The following PRKCQ variants were observed in gnomAD, a reference collection of about 807,000 sequenced individuals.
The protein encoded by PRKCQ is protein kinase C theta type.
A neutral mutation model predicts 91.2 loss-of-function variants in PRKCQ; 41 were observed. That is an observed-to-expected ratio of 0.45 (90% CI 0.35 to 0.58). The LOEUF is 0.58. Among genes scored for constraint, PRKCQ ranks in the 20% least tolerant of loss-of-function variants. The pLI is 0.00. For synonymous variants in PRKCQ, 307 were observed against 316.9 expected (o/e 0.97, Z 0.33); for missense variants, 673 against 896.5 (o/e 0.75, Z 3.18).
intron 14 of PRKCQ, among the ~76,000 whole-genome samples, chr10:6,458,926 A>T (rs914079193): frequency 5.3e-5 from 8 of 152,114 alleles, no homozygotes; most frequent in African/African-American, 1.7e-4. Flanking sequence ...TTTGACCCAA[A>T]CCAGGGCTTA....
At chr10:6,467,389 C>CAGAGAGAGAGAGAGAG (rs1160599680) in intron 12 of PRKCQ, among the ~76,000 whole-genome samples, 2 of 27,788 alleles carry the variant, frequency 7.2e-5, no homozygotes, top group African/African-American at 3.3e-4. Flanking sequence ...GAGAGACAGA[C>CAGAGAGAGAGAGAGAG]AGAGAGAGAG....
chr10:6,515,417 A>G, intron 1 of PRKCQ: 9 of 985,360 alleles, frequency 9.1e-6, no homozygotes, highest in Non-Finnish European at 1.1e-5. Context: ...GTTCCATTCA[A>G]CCTAATGGAG....
At chr10:6,417,516 C>G in the PRKCQ span, among the ~76,000 whole-genome samples, 1 of 152,172 alleles carries the variant, frequency 6.6e-6, no homozygotes, top group African/African-American at 2.4e-5. Context: ...TTCGAATTGA[C>G]GTAACTGTTC....
At chr10:6,491,841 T>C (rs1233092823) in intron 7 of PRKCQ, 29 bp from the exon 8 acceptor site, 1 of 1,613,930 alleles carries the variant, frequency 6.2e-7, no homozygotes, top group African/African-American at 1.3e-5. Flanking sequence ...GTGAAATCTG[T>C]GTATTCCTGG....
chr10:6,571,805 AAAACAAAC>A (rs552943130), intron 1 of PRKCQ, among the ~76,000 whole-genome samples: 3 of 152,144 alleles, frequency 2.0e-5, no homozygotes, highest in African/African-American at 7.2e-5. Context: ...CCCTGCCTCA[AAAACAAAC>A]AAACAAACAA....
At chr10:6,544,336 T>C (rs906022360) in intron 1 of PRKCQ, among the ~76,000 whole-genome samples, 1 of 152,158 alleles carries the variant, frequency 6.6e-6, no homozygotes, top group African/African-American at 2.4e-5. Flanking sequence ...TCGGGGAGAT[T>C]TGTCTGTTTA....
intron 4 of PRKCQ, among the ~76,000 whole-genome samples, chr10:6,505,406 T>G (rs1838138090): frequency 7.8e-6 from 1 of 127,708 alleles, no homozygotes; most frequent in African/African-American, 3.6e-5. Flanking sequence ...TTTTTCTCCT[T>G]TCTTTCTTTC....
chr10:6,507,370 A>G (rs958645135), intron 4 of PRKCQ, 66 bp downstream of exon 4: 3 of 1,415,140 alleles, frequency 2.1e-6, no homozygotes, highest in Non-Finnish European at 3.0e-6. Context: ...AAGGTAAAAT[A>G]AGCTGCATTT....
At chr10:6,561,240 T>C (rs1840621449) in intron 1 of PRKCQ, among the ~76,000 whole-genome samples, 2 of 151,108 alleles carry the variant, frequency 1.3e-5, no homozygotes, top group African/African-American at 4.9e-5. Context: ...GGTGTGGTGG[T>C]GTGCACCTGT....
Position 6,430,770 on chromosome 10 carries a change from A to T in PRKCQ, c.1965+40T>A, listed in dbSNP as rs762959020. On this transcript the variant is annotated intron_variant, in intron 17 of 17. Transcript: ENST00000263125. The surrounding 1 kb of genome is among the most constrained non-coding windows in gnomAD (Gnocchi z 4.7). ...CAGGCAGACGGCCCTGAGCGGAGGG[A>T]GAGTGGCTGACACCAAGCGGCCCAT... 1 of 1,603,266 alleles carries T rather than the reference A, an allele frequency of 6.2e-7. No individual in the cohort carries two copies. Among genetic ancestry groups the T allele is most frequent in the African/African-American group, 1.3e-5 (1 of 74,756 alleles).
chr10:6,413,588 GCA>G, the PRKCQ span, among the ~76,000 whole-genome samples: 4 of 23,838 alleles, frequency 1.7e-4, no homozygotes, highest in African/African-American at 4.3e-4. Context: ...TGCCACTTGT[GCA>G]CACACACACA....
chr10:6,460,692 T>G (rs1256590828), intron 14 of PRKCQ, among the ~76,000 whole-genome samples: 1 of 152,138 alleles, frequency 6.6e-6, no homozygotes, highest in African/African-American at 2.4e-5. Flanking sequence ...GGATTTGTCA[T>G]GTCGGCCAGG....
chr10:6,430,075 G>A lies in PRKCQ; in HGVS notation c.1965+735C>T, dbSNP rs1210635442. On this transcript the variant is annotated intron_variant, in intron 17 of 17. Coordinates refer to ENST00000263125, the MANE Select transcript of PRKCQ (RefSeq NM_006257.5). This position sits in a 1 kb window ranked among gnomAD's most constrained non-coding sequence, Gnocchi z 4.7. ...TCACCATGTTGGCCAGGCTGACCTC[G>A]AACTCCTGACCTCAGGTGATCCACC... 6.6e-6 allele frequency among the ~76,000 whole-genome samples: 1 copy of A among 152,060 alleles called. No individual in the cohort carries two copies. Among genetic ancestry groups the A allele is most frequent in the Non-Finnish European group, 1.5e-5 (1 of 68,012 alleles).
the PRKCQ span, among the ~76,000 whole-genome samples, chr10:6,406,194 G>T: frequency 6.6e-6 from 1 of 152,094 alleles, no homozygotes; most frequent in Non-Finnish European, 1.5e-5. Flanking sequence ...AAATCCTTGG[G>T]TTAGAATTAA....
At chr10:6,436,561 A>T (rs1833705153) in intron 16 of PRKCQ, among the ~76,000 whole-genome samples, 1 of 152,152 alleles carries the variant, frequency 6.6e-6, no homozygotes, top group African/African-American at 2.4e-5. Context: ...CCTGAGAGTC[A>T]CGCCCACCCT....
At chr10:6,479,930 C>T (rs928403842) in intron 11 of PRKCQ, among the ~76,000 whole-genome samples, 6 of 151,638 alleles carry the variant, frequency 4.0e-5, no homozygotes, top group Admixed American at 2.0e-4. Context: ...CCAGCCTGGG[C>T]GTCAGAGTGA....
At chr10:6,402,818 G>A in the PRKCQ span, among the ~76,000 whole-genome samples, 1 of 152,242 alleles carries the variant, frequency 6.6e-6, no homozygotes, top group South Asian at 2.1e-4. Context: ...GCTGAGACAG[G>A]AGAATCACTT....
At chr10:6,529,817 T>C (rs908572086) in intron 1 of PRKCQ, among the ~76,000 whole-genome samples, 5 of 152,178 alleles carry the variant, frequency 3.3e-5, no homozygotes, top group Non-Finnish European at 7.3e-5. Flanking sequence ...TCTATGTCTG[T>C]GTTGTGATGA....
chr10:6,409,593 C>T, the PRKCQ span, among the ~76,000 whole-genome samples: 10 of 152,186 alleles, frequency 6.6e-5, no homozygotes, highest in Non-Finnish European at 1.2e-4. Flanking sequence ...CTGCGCCTGG[C>T]CTCTTTTTCA....
Sources: allele counts gnomAD v4.1 joint callset (sites outside exome capture counted in the v4.1 genomes callset), GRCh38; gene constraint gnomAD v4.1.1; non-coding constraint Gnocchi (gnomAD v3.1); transcripts MANE v1.5; gene names NCBI Gene and HGNC (gene_info 2026-07-23, HGNC 2026-07-21).